Variants in STRAP observed in about 807,000 individuals in gnomAD.
STRAP encodes serine/threonine kinase receptor associated protein.
STRAP carries 16 observed loss-of-function variants against 47.0 expected under a neutral mutation model. The ratio of observed to expected loss-of-function variants is 0.34; its 90% CI spans 0.23 to 0.52. STRAP has a LOEUF of 0.52. STRAP is among the 20% of genes least tolerant of loss of function. The pLI, the probability that STRAP is intolerant of heterozygous loss-of-function variation, is 0.96. For missense variants in STRAP, 293 were observed against 420.0 expected, an observed-to-expected ratio of 0.70 and a Z score of 2.64; for synonymous variants, 130 against 142.7, an observed-to-expected ratio of 0.91 and a Z score of 0.63.
chr12:15,886,519 T>G (rs1947973832), intron 2 of STRAP, among the ~76,000 whole-genome samples: 1 of 152,186 alleles, frequency 6.6e-6, no homozygotes, highest in Admixed American at 6.5e-5. Flanking sequence ...AACAGAGAGA[T>G]CTTTCTCCAC....
chr12:15,898,366 C>G (rs896429869), intron 7 of STRAP: 5 of 164,988 alleles, frequency 3.0e-5, no homozygotes, highest in South Asian at 1.6e-4. Flanking sequence ...GCAAGGAGAT[C>G]CGTTCTTTCT....
chr12:15,887,324 A>G lies in STRAP; in HGVS notation c.249-2604A>G, dbSNP rs11056692. On this transcript the variant is annotated intron_variant, in intron 2 of 9. Coordinates refer to ENST00000419869, the MANE Select transcript of STRAP (RefSeq NM_007178.4). The surrounding 1 kb of genome is among the most constrained non-coding windows in gnomAD (Gnocchi z 5.5). ...TATTTGCAAGAAACTGGGGTATAAGAGGTAACAGTAGTTTAAGGAGATGAC... is the reference window on the plus strand; with the variant it reads ...TATTTGCAAGAAACTGGGGTATAAGGGGTAACAGTAGTTTAAGGAGATGAC... Among the ~76,000 whole-genome samples, 20 of 152,346 alleles carry G rather than the reference A, an allele frequency of 1.3e-4. No homozygotes were observed. The East Asian group carries it at 3.7e-3, about 28-fold the overall frequency.
intron 2 of STRAP, among the ~76,000 whole-genome samples, chr12:15,889,154 A>C (rs369300267): frequency 2.8e-4 from 43 of 152,036 alleles, no homozygotes; most frequent in East Asian, 1.4e-3. Context: ...ATTTGGGGGA[A>C]CCCTTTTAGA....
chr12:15,890,583 CT>C lies in STRAP; in HGVS notation c.331-11del. The stretch of plus-strand genomic sequence containing the variant: ...AAATGGTTAATCTATTCACATTTTA[CT>C]TTGTGTTTTCAGGATAGTAATTATT... On this transcript the variant is annotated splice_polypyrimidine_tract_variant and intron_variant, in intron 3 of 9. Transcript: ENST00000419869. This position sits in a 1 kb window ranked among gnomAD's most constrained non-coding sequence, Gnocchi z 4.5. 1.3e-6 allele frequency: 2 copies of C among 1,597,446 alleles called. No homozygotes were observed. The highest frequency in any genetic ancestry group is 1.7e-6 in the Non-Finnish European group (2 of 1,170,616).
chr12:15,889,633 A>T (rs1565574290), intron 2 of STRAP, among the ~76,000 whole-genome samples: 1 of 152,154 alleles, frequency 6.6e-6, no homozygotes, highest in Non-Finnish European at 1.5e-5. Context: ...AGTAAGGAGG[A>T]TGGGTTGGTT....
rs11830483 is a variant in STRAP at position 15,887,181 on chromosome 12, T to G, written c.249-2747T>G. On this transcript the variant is annotated intron_variant, in intron 2 of 9. Coordinates refer to ENST00000419869, the MANE Select transcript of STRAP (RefSeq NM_007178.4). This position sits in a 1 kb window ranked among gnomAD's most constrained non-coding sequence, Gnocchi z 5.5. Reference sequence around the variant, plus strand: ...ATGTTAAGGTATTTGGGCAATTTTTTAAAAATCTTAAACTGGCCTGTTTTG... The same window carrying G: ...ATGTTAAGGTATTTGGGCAATTTTTGAAAAATCTTAAACTGGCCTGTTTTG... Among the ~76,000 whole-genome samples the G allele has an allele frequency of 2.6e-5, 4 of 152,146 alleles. No individual in the cohort carries two copies. Among genetic ancestry groups the G allele is most frequent in the African/African-American group, 7.2e-5 (3 of 41,414 alleles).
In STRAP at chr12:15,895,513, C is replaced by T. The variant is rs1284751244; in HGVS notation, c.638+17C>T. The stretch of plus-strand genomic sequence containing the variant: ...TGCAGTAAGGTATGTCCAAGAAATA[C>T]TTTCATTTTCTTTTTTAGGTAACAA... On this transcript the variant is annotated intron_variant, in intron 6 of 9. Transcript: ENST00000419869. The T allele has an allele frequency of 6.4e-7, 1 of 1,572,716 alleles. No individual in the cohort carries two copies. The highest frequency in any genetic ancestry group is 8.6e-7 in the Non-Finnish European group (1 of 1,167,782).
At chr12:15,898,738 CA>C (rs113125913) in intron 7 of STRAP, among the ~76,000 whole-genome samples, 13,459 of 151,972 alleles carry the variant, frequency 0.089, 1,967 homozygotes, top group African/African-American at 0.3. Context: ...GCTTTTAGGT[CA>C]AAAATATGTT....
chr12:15,882,673 A>C lies in STRAP; in HGVS notation c.-35A>C. On this transcript the variant is annotated 5_prime_UTR_variant, in exon 1 of 10. Coordinates refer to ENST00000419869, the MANE Select transcript of STRAP (RefSeq NM_007178.4). ...GAGAGAAAAGACAACGACGACCCTC[A>C]GCTCGCCAGTCCGGTCGCTGGCTTC... 3.8e-6 allele frequency: 6 copies of C among 1,566,366 alleles called. No individual in the cohort carries two copies. Among genetic ancestry groups the C allele is most frequent in the Non-Finnish European group, 5.2e-6 (6 of 1,150,628 alleles).
intron 2 of STRAP, among the ~76,000 whole-genome samples, chr12:15,884,991 C>G (rs1304760300): frequency 1.3e-5 from 2 of 152,088 alleles, no homozygotes; most frequent in African/African-American, 2.4e-5. Context: ...ATTAAACTGA[C>G]TTGCAGTGGC....
intron 4 of STRAP, 98 bp from the exon 5 acceptor site, chr12:15,893,949 T>A: frequency 1.0e-6 from 1 of 995,894 alleles, no homozygotes; most frequent in Non-Finnish European, 1.5e-6. Flanking sequence ...GCAGTCTAAT[T>A]TAAAATGTGT....
In STRAP at chr12:15,894,254, TACTAG is replaced by T; in HGVS notation, c.500+114_500+118del. 2 of 760,868 alleles carry T rather than the reference TACTAG, an allele frequency of 2.6e-6. No individual in the cohort carries two copies. The highest frequency in any genetic ancestry group is 2.7e-5 in the East Asian group (1 of 36,484). The allele number at this position is 760,868 out of a possible 1,614,324, so 47.1% of individuals were successfully genotyped here. A position where few individuals can be genotyped will look rare whatever the true frequency, so the allele number is the denominator to read the frequency against. ...CGGGTGGATCATTAGAGGTCAGGAG[TACTAG>T]ACCAGCCTGGCCGACATGGCGAAAT... On this transcript the variant is annotated intron_variant, in intron 5 of 9. Transcript: ENST00000419869. The surrounding 1 kb of genome is among the most constrained non-coding windows in gnomAD (Gnocchi z 4.9).
intron 4 of STRAP, among the ~76,000 whole-genome samples, chr12:15,893,473 TTTA>T (rs1378660275): frequency 2.7e-5 from 4 of 146,796 alleles, no homozygotes; most frequent in African/African-American, 9.9e-5. Context: ...ATATATACTT[TTTA>T]TTATATATAA....
At chr12:15,882,938 T>G (rs1947935659) in intron 1 of STRAP, 119 bp downstream of exon 1, 2 of 1,345,542 alleles carry the variant, frequency 1.5e-6, no homozygotes, top group Non-Finnish European at 2.1e-6. Flanking sequence ...GATATTAACA[T>G]CTGAGATGAG....
intron 9 of STRAP, 105 bp downstream of exon 9, chr12:15,901,117 T>C (rs1199597042): frequency 1.3e-6 from 1 of 768,778 alleles, no homozygotes; most frequent in African/African-American, 1.8e-5. Flanking sequence ...AATATGAACA[T>C]ATTTAAATAA....
chr12:15,886,009 CT>C (rs1947967774), intron 2 of STRAP, among the ~76,000 whole-genome samples: 1 of 152,002 alleles, frequency 6.6e-6, no homozygotes, highest in African/African-American at 2.4e-5. Context: ...ACTATTTGGC[CT>C]CATATAAGGA....
In STRAP at chr12:15,903,040, C is replaced by T. The variant is rs989296464; in HGVS notation, c.*62C>T. The T allele has an allele frequency of 6.9e-7, 1 of 1,440,738 alleles. No homozygotes were observed. The highest frequency in any genetic ancestry group is 9.2e-7 in the Non-Finnish European group (1 of 1,091,308). The allele number at this position is 1,440,738 out of a possible 1,614,324, so 89.2% of individuals were successfully genotyped here. A position where few individuals can be genotyped will look rare whatever the true frequency, so the allele number is the denominator to read the frequency against. On this transcript the variant is annotated 3_prime_UTR_variant, in exon 10 of 10. Transcript: ENST00000419869. ...AAAACAAGCAAGCAGAGAAAAGCAT[C>T]AGCCTTCCAGAGTTACTGTCTGCTT...
In STRAP at chr12:15,882,645, G is replaced by C. The variant is rs1321742004; in HGVS notation, c.-63G>C. The C allele has an allele frequency of 1.4e-6, 2 of 1,419,010 alleles. No individual in the cohort carries two copies. The highest frequency in any genetic ancestry group is 1.9e-6 in the Non-Finnish European group (2 of 1,031,230). 87.9% of individuals were successfully genotyped at this position (1,419,010 alleles called of 1,614,324 possible). ...TGGAGCAGCCCGAGGCACTGCAGCA[G>C]AAGAGAGAAAAGACAACGACGACCC... is the stretch of plus-strand genomic sequence containing the variant. On this transcript the variant is annotated 5_prime_UTR_variant, in exon 1 of 10. Transcript: ENST00000419869.
At chr12:15,898,789 C>T (rs1948081010) in intron 7 of STRAP, among the ~76,000 whole-genome samples, 1 of 152,098 alleles carries the variant, frequency 6.6e-6, no homozygotes, top group Non-Finnish European at 1.5e-5. Flanking sequence ...TAAGCTGTCT[C>T]TTCTTGTTCT....
Sources: allele counts gnomAD v4.1 joint callset (sites outside exome capture counted in the v4.1 genomes callset), GRCh38; gene constraint gnomAD v4.1.1; non-coding constraint Gnocchi (gnomAD v3.1); transcripts MANE v1.5; gene names NCBI Gene and HGNC (gene_info 2026-07-23, HGNC 2026-07-21).